Variants in CHD1 observed in about 807,000 individuals in gnomAD.
CHD1 encodes chromodomain helicase DNA binding protein 1.
In CHD1, 36 loss-of-function variants were observed where a neutral mutation model predicts 224.2. The ratio of observed to expected loss-of-function variants is 0.16; its 90% CI spans 0.12 to 0.21. The LOEUF is 0.21. CHD1 is among the 10% of genes least tolerant of loss of function. The pLI is 1.00. For synonymous variants in CHD1, 668 were observed against 658.3 expected (o/e 1.01, Z -0.23); for missense variants, 1,378 against 1,994.8 (o/e 0.69, Z 5.89).
At chr5:98,925,376 C>T (rs1753387667) in intron 2 of CHD1, among the ~76,000 whole-genome samples, 1 of 152,124 alleles carries the variant, frequency 6.6e-6, no homozygotes, top group African/African-American at 2.4e-5. Flanking sequence ...GGATTACAAA[C>T]AGGATCCAAC....
At chr5:98,903,441 C>T (rs1312493886) in intron 4 of CHD1, among the ~76,000 whole-genome samples, 2 of 137,636 alleles carry the variant, frequency 1.5e-5, no homozygotes, top group Non-Finnish European at 3.1e-5. Flanking sequence ...GTTATTATTT[C>T]GTACAAATAT....
intron 3 of CHD1, among the ~76,000 whole-genome samples, 170 bp from the exon 4 acceptor site, chr5:98,904,078 T>C (rs1751892661): frequency 6.6e-6 from 1 of 152,202 alleles, no homozygotes; most frequent in African/African-American, 2.4e-5. Flanking sequence ...AATAAAATGC[T>C]GAGCTCTAGT....
At chr5:98,906,095 C>CT (rs148487181) in intron 2 of CHD1, among the ~76,000 whole-genome samples, 2 of 152,006 alleles carry the variant, frequency 1.3e-5, no homozygotes, top group South Asian at 4.1e-4. Context: ...CAGTAATTCT[C>CT]TTTTTCCAGA....
chr5:98,903,660 G>GA, intron 4 of CHD1, 132 bp downstream of exon 4: 1 of 740,710 alleles, frequency 1.4e-6, no homozygotes, highest in Non-Finnish European at 2.4e-6. Flanking sequence ...CAAGATTCTT[G>GA]ATATATACAC....
chr5:98,861,360 A>C (rs1748453368), intron 32 of CHD1, among the ~76,000 whole-genome samples: 1 of 152,224 alleles, frequency 6.6e-6, no homozygotes, highest in South Asian at 2.1e-4. Context: ...TCACTTTATT[A>C]CAGTCATCTT....
At position 98,888,967 on chromosome 5, in the gene CHD1, A is replaced by G. The variant is rs774853408; in HGVS notation, c.2343+109T>C. Reference sequence around the variant, plus strand: ...CCATTATAGAAAGGCACCATTAACTAAAGAGAACTTTTATCCAATAAGTTA... The same window carrying G: ...CCATTATAGAAAGGCACCATTAACTGAAGAGAACTTTTATCCAATAAGTTA... On this transcript the variant is annotated intron_variant, in intron 16 of 35. Coordinates refer to ENST00000614616, the MANE Select transcript of CHD1 (RefSeq NM_001270.4). 246 of 622,414 alleles carry G rather than the reference A, an allele frequency of 4.0e-4. 1 individual carries two copies. The highest frequency in any genetic ancestry group is 5.6e-4 in the Non-Finnish European group (216 of 382,958). The allele number at this position is 622,414 out of a possible 1,614,324, so 38.6% of individuals were successfully genotyped here. A position where few individuals can be genotyped will look rare whatever the true frequency, so the allele number is the denominator to read the frequency against.
Position 98,883,241 on chromosome 5 carries a change from T to A in CHD1, c.2569-4A>T, listed in dbSNP as rs558023399. The A allele has an allele frequency of 2.5e-6, 4 of 1,571,782 alleles. No individual in the cohort carries two copies. The South Asian group carries it at 4.7e-5, about 19-fold the overall frequency. On this transcript the variant is annotated splice_polypyrimidine_tract_variant and splice_region_variant and intron_variant, in intron 18 of 35. Coordinates refer to ENST00000614616, the MANE Select transcript of CHD1 (RefSeq NM_001270.4). ...TGGACAGCAAAAAGCAAAAATCCTG[T>A]AAGAAATTGAATAATCAAAATGAAA...
At chr5:98,883,911 G>A (rs1269344662) in intron 18 of CHD1, 1 of 83,520 alleles carries the variant, frequency 1.2e-5, no homozygotes, top group Admixed American at 1.8e-4. Flanking sequence ...TTTTTATCTT[G>A]GCTCACTGCA....
chr5:98,859,162 T>G, intron 33 of CHD1, 147 bp from the exon 34 acceptor site: 1 of 529,070 alleles, frequency 1.9e-6, no homozygotes, highest in Admixed American at 4.0e-5. Context: ...TGTATGACAT[T>G]TATAGATCTC....
At chr5:98,895,808 A>G (rs574354687) in intron 12 of CHD1, among the ~76,000 whole-genome samples, 1 of 152,010 alleles carries the variant, frequency 6.6e-6, no homozygotes, top group African/African-American at 2.4e-5. Flanking sequence ...CTAAACCAAA[A>G]CTGACTTTGT....
chr5:98,898,438 T>A lies in CHD1; in HGVS notation c.1187-4A>T. ...GCTGACTTTTGATTGGAATGAGCTG[T>A]GAGAGAATCAGGCATTTACTTATTT... On this transcript the variant is annotated splice_polypyrimidine_tract_variant and splice_region_variant and intron_variant, in intron 9 of 35. Transcript: ENST00000614616. The A allele has an allele frequency of 3.9e-6, 6 of 1,553,674 alleles. No individual in the cohort carries two copies. Among genetic ancestry groups the A allele is most frequent in the Non-Finnish European group, 5.2e-6 (6 of 1,158,702 alleles).
At chr5:98,917,103 A>AT (rs970720822) in intron 2 of CHD1, among the ~76,000 whole-genome samples, 3 of 152,246 alleles carry the variant, frequency 2.0e-5, no homozygotes, top group African/African-American at 7.2e-5. Flanking sequence ...ATGCCTTGAC[A>AT]TAAAAACTTT....
At chr5:98,920,705 G>A (rs1251376593) in intron 2 of CHD1, among the ~76,000 whole-genome samples, 3 of 151,940 alleles carry the variant, frequency 2.0e-5, no homozygotes, top group African/African-American at 4.8e-5. Flanking sequence ...GCTGTGGCAG[G>A]AGAATCGTTT....
chr5:98,925,249 A>G (rs1446962078), intron 2 of CHD1, among the ~76,000 whole-genome samples: 1 of 152,092 alleles, frequency 6.6e-6, no homozygotes, highest in Non-Finnish European at 1.5e-5. Flanking sequence ...TCAATCCTCA[A>G]ATTTTTTTTA....
At chr5:98,871,475 A>G (rs944176995) in intron 28 of CHD1, among the ~76,000 whole-genome samples, 3 of 151,728 alleles carry the variant, frequency 2.0e-5, no homozygotes, top group Admixed American at 1.3e-4. Context: ...TAAATATAAA[A>G]GATTTTAAGG....
intron 23 of CHD1, among the ~76,000 whole-genome samples, chr5:98,878,637 A>T (rs1303560489): frequency 6.6e-6 from 1 of 152,226 alleles, no homozygotes; most frequent in Non-Finnish European, 1.5e-5. Context: ...ACAAATTTTT[A>T]AAAATTAAAA....
At chr5:98,873,919 A>T (rs985380423) in intron 25 of CHD1, among the ~76,000 whole-genome samples, 196 bp from the exon 26 acceptor site, 3 of 152,216 alleles carry the variant, frequency 2.0e-5, no homozygotes, top group Non-Finnish European at 4.4e-5. Flanking sequence ...ATATTCAATA[A>T]TAATGAGTTT....
intron 2 of CHD1, among the ~76,000 whole-genome samples, chr5:98,905,537 TA>T (rs745968560): frequency 1.7e-4 from 26 of 152,270 alleles, no homozygotes; most frequent in Admixed American, 4.6e-4. Context: ...AAAAAATTCT[TA>T]CAGTAACAGG....
At chr5:98,889,965 A>G (rs1056693949) in intron 15 of CHD1, 3 of 152,226 alleles carry the variant, frequency 2.0e-5, no homozygotes, top group African/African-American at 7.2e-5. Context: ...ACAGAAAACC[A>G]AACACCGCAT....
Sources: gnomAD v4.1 joint callset for allele counts (sites outside exome capture counted in the v4.1 genomes callset) on GRCh38, gnomAD v4.1.1 for gene constraint, MANE v1.5 for transcripts, NCBI Gene and HGNC (gene_info 2026-07-23, HGNC 2026-07-21) for gene names.